The following ZBTB8B variants were observed in gnomAD, a reference collection of about 807,000 sequenced individuals.
The protein encoded by ZBTB8B is zinc finger and BTB domain-containing protein 8B.
ZBTB8B carries 17 observed loss-of-function variants against 30.3 expected under a neutral mutation model. The observed-to-expected ratio is 0.56, with a 90% CI of 0.38 to 0.84. The LOEUF is 0.84. Ranked by LOEUF, ZBTB8B falls within the 40% of genes least tolerant of loss-of-function variation. ZBTB8B has a pLI of 0.00. For missense variants in ZBTB8B, 515 were observed against 644.9 expected, an observed-to-expected ratio of 0.80 and a Z score of 2.18; for synonymous variants, 248 against 255.6, an observed-to-expected ratio of 0.97 and a Z score of 0.28.
In ZBTB8B at chr1:32,488,967, T is replaced by C. The variant is rs987441642; in HGVS notation, c.*3549T>C. The C allele has an allele frequency of 2.0e-5, 3 of 152,124 alleles. No homozygotes were observed. Among genetic ancestry groups the C allele is most frequent in the African/African-American group, 7.2e-5 (3 of 41,434 alleles). 9.4% of individuals were successfully genotyped at this position (152,124 alleles called of 1,614,324 possible). Reference sequence around the variant, plus strand: ...ACGCGCCACCACGCCTGGCCAATTTTTGTATTTTTAGTAGAAATGGGGTTT... The same window carrying C: ...ACGCGCCACCACGCCTGGCCAATTTCTGTATTTTTAGTAGAAATGGGGTTT... On this transcript the variant is annotated 3_prime_UTR_variant, in exon 4 of 4. Transcript: ENST00000609129.
intron 3 of ZBTB8B, among the ~76,000 whole-genome samples, chr1:32,483,707 AAAAT>A (rs1241111328): frequency 6.6e-6 from 1 of 152,098 alleles, no homozygotes; most frequent in Admixed American, 6.6e-5. Flanking sequence ...AATAAAAATA[AAAAT>A]AAATAAAATG....
intron 2 of ZBTB8B, among the ~76,000 whole-genome samples, chr1:32,474,930 C>T (rs1643651439): frequency 6.6e-6 from 1 of 152,208 alleles, no homozygotes; most frequent in African/African-American, 2.4e-5. Context: ...CTTTGAACCC[C>T]TCTGCATGTA....
intron 2 of ZBTB8B, among the ~76,000 whole-genome samples, chr1:32,474,036 A>C (rs551513131): frequency 4.1e-4 from 62 of 151,504 alleles, no homozygotes; most frequent in African/African-American, 1.5e-3. Context: ...GTTTTAGTAG[A>C]GATGAGGTTT....
chr1:32,475,904 G>A (rs1187910252), intron 2 of ZBTB8B, among the ~76,000 whole-genome samples: 6 of 142,470 alleles, frequency 4.2e-5, no homozygotes, highest in Admixed American at 2.2e-4. Context: ...TGCAACCTCC[G>A]CCTCCCAGGT....
rs1217777623 is a variant in ZBTB8B, at chr1:32,471,029, T to A, written c.405T>A (p.Ala135=). The change falls in exon 2 of 4, where the codon GCT becomes GCA. Residue 135 remains alanine, a synonymous_variant. Coordinates refer to ENST00000609129, the MANE Select transcript of ZBTB8B (RefSeq NM_001145720.2). ...CRKMEKEAAV[A]AAVAAAAAAA... ...AGATGGAGAAGGAGGCTGCTGTGGC[T>A]GCAGCAGTGGCGGCGGCAGCGGCGG... The A allele has an allele frequency of 1.3e-6, 2 of 1,551,040 alleles. No individual in the cohort carries two copies. Among genetic ancestry groups the A allele is most frequent in the Non-Finnish European group, 1.7e-6 (2 of 1,146,586 alleles).
Position 32,495,544 on chromosome 1 carries a change from T to C in ZBTB8B, c.*10126T>C, listed in dbSNP as rs1643811587. On this transcript the variant is annotated 3_prime_UTR_variant, in exon 4 of 4. Coordinates refer to ENST00000609129, the MANE Select transcript of ZBTB8B (RefSeq NM_001145720.2). ...GATTGAAACACCCTAGTTACAAGTT[T>C]AGAATAGGAGTGGCCTCAACAAAGG... The C allele has an allele frequency of 1.3e-5, 2 of 152,176 alleles. No individual in the cohort carries two copies. The highest frequency in any genetic ancestry group is 1.3e-4 in the Admixed American group (2 of 15,272). 9.4% of individuals were successfully genotyped at this position (152,176 alleles called of 1,614,324 possible).
rs1340361165 is a variant in ZBTB8B at position 32,485,160 on chromosome 1, C to T, written c.1230C>T (p.His410=). The change falls in exon 4 of 4, where the codon CAC becomes CAT. Residue 410 remains histidine, a synonymous_variant. Transcript: ENST00000609129. The part of the protein sequence containing the change: ...CKGCRRTFTS[H]LSQGLRRFGL... ...GCTGCAGGAGAACATTCACGAGTCA[C>T]CTGTCCCAGGGGCTGCGGCGCTTCG... is the stretch of plus-strand genomic sequence containing the variant. 2 of 1,552,102 alleles carry T rather than the reference C, an allele frequency of 1.3e-6. No individual in the cohort carries two copies. The highest frequency in any genetic ancestry group is 2.4e-5 in the East Asian group (1 of 40,926).
chr1:32,495,473 G>C lies in ZBTB8B; in HGVS notation c.*10055G>C, dbSNP rs1235350876. The C allele has an allele frequency of 6.6e-6, 1 of 152,048 alleles. No homozygotes were observed. The highest frequency in any genetic ancestry group is 2.4e-5 in the African/African-American group (1 of 41,396). 9.4% of individuals were successfully genotyped at this position (152,048 alleles called of 1,614,324 possible). Reference sequence around the variant, plus strand: ...TGGTTAAATCAACCTGGGAGTAAATGGAAATAATCTCAAGCTAAATTTTTG... The same window carrying C: ...TGGTTAAATCAACCTGGGAGTAAATCGAAATAATCTCAAGCTAAATTTTTG... On this transcript the variant is annotated 3_prime_UTR_variant, in exon 4 of 4. Coordinates refer to ENST00000609129, the MANE Select transcript of ZBTB8B (RefSeq NM_001145720.2).
At position 32,489,500 on chromosome 1, in the gene ZBTB8B, T is replaced by C. The variant is rs1643766119; in HGVS notation, c.*4082T>C. 1 of 152,194 alleles carries C rather than the reference T, an allele frequency of 6.6e-6. No homozygotes were observed. Among genetic ancestry groups the C allele is most frequent in the African/African-American group, 2.4e-5 (1 of 41,448 alleles). 9.4% of individuals were successfully genotyped at this position (152,194 alleles called of 1,614,324 possible). On this transcript the variant is annotated 3_prime_UTR_variant, in exon 4 of 4. Coordinates refer to ENST00000609129, the MANE Select transcript of ZBTB8B (RefSeq NM_001145720.2). Reference sequence around the variant, plus strand: ...TCTAGACTATCAGATCATAAATTGGTCCCCTTTAGGTGGTCAGTATTTATA... The same window carrying C: ...TCTAGACTATCAGATCATAAATTGGCCCCCTTTAGGTGGTCAGTATTTATA...
chr1:32,480,801 A>G (rs1643697950), intron 2 of ZBTB8B, 90 bp from the exon 3 acceptor site: 5 of 1,290,234 alleles, frequency 3.9e-6, no homozygotes, highest in Admixed American at 2.6e-5. Flanking sequence ...GGCTGGTGGA[A>G]TTCCCCAGCT....
At chr1:32,470,518 A>AAG in intron 1 of ZBTB8B, 66 bp from the exon 2 acceptor site, 1 of 1,131,502 alleles carries the variant, frequency 8.8e-7, no homozygotes, top group Non-Finnish European at 1.2e-6. Flanking sequence ...AAAAAAAAAA[A>AAG]AAAAAAAAGA....
intron 3 of ZBTB8B, among the ~76,000 whole-genome samples, chr1:32,482,440 A>T (rs1643712549): frequency 6.6e-6 from 1 of 151,794 alleles, no homozygotes; most frequent in South Asian, 2.1e-4. Context: ...TGGGAGGCTG[A>T]GGTGGGCAGA....
chr1:32,467,223 G>A (rs567299787), intron 1 of ZBTB8B, among the ~76,000 whole-genome samples: 15 of 150,190 alleles, frequency 1.0e-4, no homozygotes, highest in African/African-American at 3.4e-4. Context: ...AATGAAAGGC[G>A]AAAGTCCCTC....
At chr1:32,468,131 A>G (rs2148179313) in intron 1 of ZBTB8B, among the ~76,000 whole-genome samples, 1 of 152,006 alleles carries the variant, frequency 6.6e-6, no homozygotes, top group South Asian at 2.1e-4. Context: ...TCAAAAAATA[A>G]TAATAATAAT....
rs1170741801 is a variant in ZBTB8B at position 32,494,167 on chromosome 1, G to A, written c.*8749G>A. 3.5e-5 allele frequency: 4 copies of A among 115,006 alleles called. No homozygotes were observed. The highest frequency in any genetic ancestry group is 1.0e-4 in the African/African-American group (3 of 29,352). 7.1% of individuals were successfully genotyped at this position (115,006 alleles called of 1,614,324 possible). ...CACTGCACTTCAGCCTGGGCAACGA[G>A]AGCAAAACTCCATCTCAAAAAAAAA... On this transcript the variant is annotated 3_prime_UTR_variant, in exon 4 of 4. Coordinates refer to ENST00000609129, the MANE Select transcript of ZBTB8B (RefSeq NM_001145720.2).
chr1:32,482,156 G>T (rs555131210), intron 3 of ZBTB8B, among the ~76,000 whole-genome samples: 29 of 151,934 alleles, frequency 1.9e-4, no homozygotes, highest in South Asian at 6.3e-4. Context: ...GTGTTTTTTT[G>T]TTGTTGTTGT....
chr1:32,482,395 G>A (rs534034096), intron 3 of ZBTB8B, among the ~76,000 whole-genome samples: 6 of 151,930 alleles, frequency 3.9e-5, no homozygotes, highest in South Asian at 2.1e-4. Flanking sequence ...AAAACTGGCC[G>A]GGCGCAGGGG....
chr1:32,482,734 G>A (rs1009100703), intron 3 of ZBTB8B, among the ~76,000 whole-genome samples: 1 of 150,904 alleles, frequency 6.6e-6, no homozygotes, highest in South Asian at 2.1e-4. Flanking sequence ...ATTTGCAAGG[G>A]ATATATCTGA....
chr1:32,481,674 T>A (rs527760627), intron 3 of ZBTB8B, among the ~76,000 whole-genome samples: 1 of 152,320 alleles, frequency 6.6e-6, no homozygotes, highest in Admixed American at 6.5e-5. Context: ...CGAGAAGGTT[T>A]GTTACATGGG....
Sources: allele counts gnomAD v4.1 joint callset (sites outside exome capture counted in the v4.1 genomes callset), GRCh38; gene constraint gnomAD v4.1.1; transcripts MANE v1.5; gene names NCBI Gene and HGNC (gene_info 2026-07-23, HGNC 2026-07-21).